Variants in CRACDL observed in about 807,000 individuals in gnomAD.
CRACDL encodes CRACD like.
CRACDL carries 26 observed loss-of-function variants against 70.6 expected under a neutral mutation model. That is an observed-to-expected ratio of 0.37 (90% CI 0.27 to 0.51). CRACDL has a LOEUF of 0.51. Ranked by LOEUF, CRACDL falls within the 20% of genes least tolerant of loss-of-function variation. The pLI, the probability that CRACDL is intolerant of heterozygous loss-of-function variation, is 0.94. For synonymous variants in CRACDL, 618 were observed against 615.2 expected (o/e 1.00, Z -0.07); for missense variants, 1,283 against 1,376.9 (o/e 0.93, Z 1.08).
chr2:98,926,570 A>G (rs950119995), intron 1 of CRACDL, among the ~76,000 whole-genome samples: 2 of 152,202 alleles, frequency 1.3e-5, no homozygotes, highest in Non-Finnish European at 2.9e-5. Context: ...TGGGGTTGCT[A>G]AAGACAATGT....
chr2:98,802,573 T>C (rs1169919594), intron 7 of CRACDL, among the ~76,000 whole-genome samples: 4 of 152,126 alleles, frequency 2.6e-5, no homozygotes, highest in Admixed American at 6.5e-5. Flanking sequence ...GTGGGACAGA[T>C]TCGTCTCATC....
intron 1 of CRACDL, among the ~76,000 whole-genome samples, chr2:98,876,616 T>G (rs1707494615): frequency 6.6e-6 from 1 of 152,190 alleles, no homozygotes; most frequent in Non-Finnish European, 1.5e-5. Flanking sequence ...CCCCTGCCCT[T>G]CCCTGGTCCA....
rs201132952 is a variant in CRACDL, at chr2:98,846,784, A to T, written c.17T>A (p.Val6Glu). MISTR[V>E]MDIKLREAAE... ...AGCCTCCCGAAGCTTAATGTCCATC[A>T]CCCTTGTGGAAATCATGTCAAGCTC... The change falls in exon 2 of 10, where the codon GTG (valine) becomes GAG (glutamate). Residue 6 changes from valine to glutamate, a missense_variant. By Grantham distance (121) the Val-to-Glu change is moderately radical. This residue lies in a region of CRACDL where 362 missense variants were observed against 495.0 expected (regional missense o/e 0.73). Coordinates refer to ENST00000397899, the MANE Select transcript of CRACDL (RefSeq NM_207362.3). The T allele has an allele frequency of 6.2e-7, 1 of 1,614,096 alleles. No individual in the cohort carries two copies. The highest frequency in any genetic ancestry group is 1.3e-5 in the African/African-American group (1 of 75,026).
At chr2:98,881,172 A>G (rs1707641498) in intron 1 of CRACDL, among the ~76,000 whole-genome samples, 2 of 152,190 alleles carry the variant, frequency 1.3e-5, no homozygotes, top group African/African-American at 4.8e-5. Flanking sequence ...CAAGTCTGTG[A>G]TGGTGAGCAT....
chr2:98,834,294 A>C (rs1705675456), intron 3 of CRACDL, among the ~76,000 whole-genome samples: 1 of 152,246 alleles, frequency 6.6e-6, no homozygotes, highest in Non-Finnish European at 1.5e-5. Context: ...AGCAATATTC[A>C]AAAGAGTGAA....
intron 1 of CRACDL, among the ~76,000 whole-genome samples, chr2:98,879,548 TTTA>T (rs1238987889): frequency 5.3e-5 from 8 of 152,160 alleles, no homozygotes; most frequent in Admixed American, 5.2e-4. Flanking sequence ...CTGTATTTTA[TTTA>T]TTATTATGTT....
At chr2:98,800,443 G>T (rs1422509221) in intron 7 of CRACDL, among the ~76,000 whole-genome samples, 1 of 152,100 alleles carries the variant, frequency 6.6e-6, no homozygotes, top group Non-Finnish European at 1.5e-5. Flanking sequence ...TTTAAACCAT[G>T]GGCTCACTCT....
chr2:98,900,413 G>A (rs1708248846), intron 1 of CRACDL, among the ~76,000 whole-genome samples: 2 of 150,764 alleles, frequency 1.3e-5, no homozygotes, highest in Non-Finnish European at 3.0e-5. Context: ...GGGGAGGCAG[G>A]AGGATGGAGG....
chr2:98,819,815 C>CTTT (rs34640405), intron 7 of CRACDL, among the ~76,000 whole-genome samples: 1,234 of 98,962 alleles, frequency 0.012, 64 homozygotes, highest in African/African-American at 0.019. Flanking sequence ...CTGAAACATT[C>CTTT]TTTTTTTTTT....
intron 3 of CRACDL, among the ~76,000 whole-genome samples, chr2:98,834,363 A>G (rs1210499620): frequency 6.6e-6 from 1 of 152,240 alleles, no homozygotes; most frequent in Non-Finnish European, 1.5e-5. Flanking sequence ...CATGAATGTC[A>G]TACAATGGAG....
intron 9 of CRACDL, among the ~76,000 whole-genome samples, chr2:98,795,078 T>TATATATATATATATATA (rs1461039601): frequency 5.5e-5 from 1 of 18,274 alleles, no homozygotes; most frequent in African/African-American, 1.1e-4. Context: ...TATATATATA[T>TATATATATATATATATA]TTTTTTTTTT....
At chr2:98,880,723 G>A (rs1274172967) in intron 1 of CRACDL, among the ~76,000 whole-genome samples, 2 of 152,178 alleles carry the variant, frequency 1.3e-5, no homozygotes, top group Non-Finnish European at 2.9e-5. Context: ...TGCTCCAAGG[G>A]CAAGGCACTG....
intron 2 of CRACDL, chr2:98,840,759 T>C (rs1056339181): frequency 2.6e-5 from 4 of 152,208 alleles, no homozygotes; most frequent in Admixed American, 2.6e-4. Context: ...TGTTAATGCA[T>C]AGAAATGTAA....
intron 1 of CRACDL, among the ~76,000 whole-genome samples, chr2:98,853,018 G>A (rs1429652707): frequency 9.2e-6 from 1 of 109,274 alleles, no homozygotes; most frequent in African/African-American, 3.5e-5. Context: ...GAGGGGAGGG[G>A]AAGGGAAGGG....
At position 98,827,047 on chromosome 2, in the gene CRACDL, G is replaced by A. The variant is rs371199383; in HGVS notation, c.663C>T (p.Asn221=). 225 of 1,614,030 alleles carry A rather than the reference G, an allele frequency of 1.4e-4. No homozygotes were observed. The highest frequency in any genetic ancestry group is 1.9e-4 in the Non-Finnish European group (221 of 1,180,008). The change falls in exon 6 of 10, where the codon AAC becomes AAT. Residue 221 remains asparagine (N), a synonymous_variant. Coordinates refer to ENST00000397899, the MANE Select transcript of CRACDL (RefSeq NM_207362.3). ...YPAESSSCLD[N]SAAKHKLQVK... The stretch of plus-strand genomic sequence containing the variant: ...CCTGGAGCTTGTGCTTAGCTGCAGA[G>A]TTGTCCAGGCAGGAGGAGGATTCTG...
intron 1 of CRACDL, 145 bp from the exon 2 acceptor site, chr2:98,846,955 C>T: frequency 3.1e-6 from 2 of 635,196 alleles, no homozygotes; most frequent in Non-Finnish European, 5.7e-6. Flanking sequence ...CAGCACAGTA[C>T]AGGCCAAAAC....
chr2:98,853,680 A>G (rs1199030687), intron 1 of CRACDL, among the ~76,000 whole-genome samples: 1 of 152,204 alleles, frequency 6.6e-6, no homozygotes, highest in East Asian at 1.9e-4. Context: ...AACAACTAAA[A>G]AAACTATTAT....
chr2:98,862,573 T>C (rs755615319), intron 1 of CRACDL, among the ~76,000 whole-genome samples: 4 of 152,262 alleles, frequency 2.6e-5, no homozygotes, highest in South Asian at 4.1e-4. Flanking sequence ...AATTGAAATA[T>C]CACTGAAGAG....
chr2:98,918,134 C>A lies in CRACDL; in HGVS notation c.-11+17804G>T, dbSNP rs1372058378. Among the ~76,000 whole-genome samples the A allele has an allele frequency of 3.3e-5, 5 of 152,212 alleles. No individual in the cohort carries two copies. The South Asian group carries it at 6.2e-4, about 19-fold the overall frequency. ...TGATTCCTTTTCCTTAGGGTAGATA[C>A]CCAGCAGTAGGATTACTGAATTGGA... On this transcript the variant is annotated intron_variant, in intron 1 of 9. Transcript: ENST00000397899.
Sources: allele counts gnomAD v4.1 joint callset (sites outside exome capture counted in the v4.1 genomes callset), GRCh38; gene constraint gnomAD v4.1.1; regional missense constraint gnomAD v4.1.1; transcripts MANE v1.5; gene names NCBI Gene and HGNC (gene_info 2026-07-23, HGNC 2026-07-21).